DPYSL3: variants seen among roughly 807,000 people sequenced by gnomAD.
The protein encoded by DPYSL3 is dihydropyrimidinase-related protein 3.
In DPYSL3, 16 loss-of-function variants were observed where a neutral mutation model predicts 66.1. The ratio of observed to expected loss-of-function variants is 0.24; its 90% CI spans 0.16 to 0.37. The LOEUF (loss-of-function observed/expected upper bound fraction) is 0.37, where lower values mean the gene tolerates loss of function less well. Ranked by LOEUF, DPYSL3 falls within the 10% of genes least tolerant of loss-of-function variation. DPYSL3 has a pLI of 1.00. For missense variants in DPYSL3, 738 were observed against 916.2 expected, an observed-to-expected ratio of 0.81 and a Z score of 2.51; for synonymous variants, 338 against 345.1, an observed-to-expected ratio of 0.98 and a Z score of 0.23.
intron 1 of DPYSL3, among the ~76,000 whole-genome samples, chr5:147,491,728 C>T (rs1045281166): frequency 6.6e-6 from 1 of 151,024 alleles, no homozygotes; most frequent in Non-Finnish European, 1.5e-5. Flanking sequence ...ACAATAGAAA[C>T]TGCCAAAACT....
chr5:147,506,361 A>T (rs1011818775), intron 1 of DPYSL3, among the ~76,000 whole-genome samples: 12 of 152,238 alleles, frequency 7.9e-5, no homozygotes, highest in African/African-American at 2.6e-4. Context: ...AGTTTCTGAA[A>T]GCTTGAATGG....
chr5:147,483,965 C>T (rs1027361806), intron 1 of DPYSL3, among the ~76,000 whole-genome samples: 9 of 152,222 alleles, frequency 5.9e-5, no homozygotes, highest in African/African-American at 2.2e-4. Flanking sequence ...TTACACGTCA[C>T]TTTCCATCTC....
intron 1 of DPYSL3, among the ~76,000 whole-genome samples, chr5:147,504,175 G>C (rs1014656010): frequency 6.6e-6 from 1 of 152,166 alleles, no homozygotes; most frequent in Non-Finnish European, 1.5e-5. Context: ...AGAATCAGCT[G>C]TAAGAGTCAC....
intron 1 of DPYSL3, among the ~76,000 whole-genome samples, chr5:147,499,791 C>G (rs914911658): frequency 3.0e-4 from 46 of 152,170 alleles, no homozygotes; most frequent in African/African-American, 1.1e-3. Flanking sequence ...ACAGTACCAA[C>G]TTTAAAACTT....
In DPYSL3 at chr5:147,491,774, A is replaced by G. The variant is rs111655565; in HGVS notation, c.381+17704T>C. ...GAGAAAAAAAAAAGACCAAAAAAAGACCAAAACAGAATATCCAAGAACTGT... is the reference window on the plus strand; with the variant it reads ...GAGAAAAAAAAAAGACCAAAAAAAGGCCAAAACAGAATATCCAAGAACTGT... On this transcript the variant is annotated intron_variant, in intron 1 of 13. Transcript: ENST00000343218. Among the ~76,000 whole-genome samples the G allele has an allele frequency of 9.5e-3, 1,450 of 152,188 alleles. 18 individuals carry two copies. Among genetic ancestry groups the G allele is most frequent in the African/African-American group, 0.034 (1,394 of 41,540 alleles).
chr5:147,395,801 G>T, intron 12 of DPYSL3, 80 bp from the exon 13 acceptor site: 1 of 1,522,734 alleles, frequency 6.6e-7, no homozygotes, highest in South Asian at 1.2e-5. Context: ...ATATATTAGT[G>T]AATACAGTGT....
In DPYSL3 at chr5:147,393,973, T is replaced by C; in HGVS notation, c.*62A>G. Reference sequence around the variant, plus strand: ...TCGCTTTCCTTCTTAAATATCGGTGTACCATTTTGGCTTCAAAACAATCTC... The same window carrying C: ...TCGCTTTCCTTCTTAAATATCGGTGCACCATTTTGGCTTCAAAACAATCTC... On this transcript the variant is annotated 3_prime_UTR_variant, in exon 14 of 14. Coordinates refer to ENST00000343218, the MANE Select transcript of DPYSL3 (RefSeq NM_001197294.2). 3.3e-6 allele frequency: 5 copies of C among 1,523,862 alleles called. No homozygotes were observed. Among genetic ancestry groups the C allele is most frequent in the Non-Finnish European group, 4.5e-6 (5 of 1,100,212 alleles). The allele number at this position is 1,523,862 out of a possible 1,614,324, so 94.4% of individuals were successfully genotyped here. A position where few individuals can be genotyped will look rare whatever the true frequency, so the allele number is the denominator to read the frequency against.
chr5:147,454,264 C>A (rs564248112), intron 1 of DPYSL3: 13 of 152,340 alleles, frequency 8.5e-5, no homozygotes, highest in African/African-American at 3.1e-4. Flanking sequence ...ATGCGGCGGC[C>A]GCGCCTTTGT....
intron 1 of DPYSL3, among the ~76,000 whole-genome samples, chr5:147,502,288 C>A (rs187767565): frequency 2.3e-4 from 35 of 152,040 alleles, no homozygotes; most frequent in African/African-American, 8.0e-4. Flanking sequence ...GGTACACAAA[C>A]CTTCAGACCA....
At chr5:147,496,997 A>G (rs1202832839) in intron 1 of DPYSL3, among the ~76,000 whole-genome samples, 16 of 152,198 alleles carry the variant, frequency 1.1e-4, no homozygotes, top group Non-Finnish European at 8.8e-5. Context: ...CTTGGAACCA[A>G]CCTAAATGTC....
chr5:147,507,443 T>G (rs887796308), intron 1 of DPYSL3, among the ~76,000 whole-genome samples: 1 of 152,148 alleles, frequency 6.6e-6, no homozygotes, highest in African/African-American at 2.4e-5. Flanking sequence ...ATGATCATTT[T>G]GCCAGCTATG....
At chr5:147,397,944 C>T (rs1047369802) in intron 11 of DPYSL3, 99 bp from the exon 12 acceptor site, 3 of 1,245,994 alleles carry the variant, frequency 2.4e-6, no homozygotes, top group East Asian at 2.6e-5. Context: ...TGCTGATTCA[C>T]CAGGTAAGCC....
rs79509195 is a variant in DPYSL3 at position 147,463,485 on chromosome 5, G to A, written c.382-38522C>T. On this transcript the variant is annotated intron_variant, in intron 1 of 13. Transcript: ENST00000343218. Reference sequence around the variant, plus strand: ...GAAAAGAAAGTCGTGGGTAGAAGCAGATGGGTGGACCTAAGGGAATGGGCA... The same window carrying A: ...GAAAAGAAAGTCGTGGGTAGAAGCAAATGGGTGGACCTAAGGGAATGGGCA... 1.2e-4 allele frequency among the ~76,000 whole-genome samples: 19 copies of A among 152,278 alleles called. No homozygotes were observed. In the East Asian group the frequency reaches 3.7e-3, roughly 29 times the overall value.
intron 1 of DPYSL3, among the ~76,000 whole-genome samples, chr5:147,508,461 C>T (rs554007369): frequency 3.3e-5 from 5 of 152,240 alleles, no homozygotes; most frequent in South Asian, 2.1e-4. Context: ...ATGGATTTTG[C>T]GGCCATTACC....
chr5:147,412,797 T>A, intron 5 of DPYSL3, 109 bp from the exon 6 acceptor site: 1 of 937,976 alleles, frequency 1.1e-6, no homozygotes. Flanking sequence ...GCAGAGGAAA[T>A]AAGTCACTAG....
In DPYSL3 at chr5:147,433,762, A is replaced by T. The variant is rs540127088; in HGVS notation, c.382-8799T>A. Among the ~76,000 whole-genome samples, 9 of 152,328 alleles carry T rather than the reference A, an allele frequency of 5.9e-5. No homozygotes were observed. In the East Asian group the frequency reaches 1.7e-3, roughly 29 times the overall value. Reference sequence around the variant, plus strand: ...TCACAAAAGACTCCTGGCCAGGCGCAGTGGCTCACGCCTGTAATCCCAGCA... The same window carrying T: ...TCACAAAAGACTCCTGGCCAGGCGCTGTGGCTCACGCCTGTAATCCCAGCA... On this transcript the variant is annotated intron_variant, in intron 1 of 13. Coordinates refer to ENST00000343218, the MANE Select transcript of DPYSL3 (RefSeq NM_001197294.2).
At chr5:147,491,264 A>G (rs1215601356) in intron 1 of DPYSL3, among the ~76,000 whole-genome samples, 1 of 152,056 alleles carries the variant, frequency 6.6e-6, no homozygotes, top group Non-Finnish European at 1.5e-5. Flanking sequence ...GGCTCACCAA[A>G]AGACTTAGAA....
At chr5:147,421,620 T>G (rs1378402257) in intron 2 of DPYSL3, among the ~76,000 whole-genome samples, 1 of 151,966 alleles carries the variant, frequency 6.6e-6, no homozygotes, top group Non-Finnish European at 1.5e-5. Context: ...CACTATAATT[T>G]CACAGTAACC....
intron 1 of DPYSL3, among the ~76,000 whole-genome samples, chr5:147,497,306 C>G (rs375280099): frequency 6.6e-6 from 1 of 151,492 alleles, no homozygotes; most frequent in African/African-American, 2.4e-5. Flanking sequence ...TGCTAAATGA[C>G]GAGTTAATGG....
Sources: gnomAD v4.1 joint callset for allele counts (sites outside exome capture counted in the v4.1 genomes callset) on GRCh38, gnomAD v4.1.1 for gene constraint, MANE v1.5 for transcripts, NCBI Gene and HGNC (gene_info 2026-07-23, HGNC 2026-07-21) for gene names.